NUPR1: variants seen among roughly 807,000 people sequenced by gnomAD.
NUPR1 encodes nuclear protein 1.
A neutral mutation model predicts 7.3 loss-of-function variants in NUPR1; 8 were observed. That is an observed-to-expected ratio of 1.09 (90% CI 0.64 to 1.97). NUPR1 has a LOEUF of 1.97. NUPR1 is among the 30% of genes most tolerant of loss of function. NUPR1 has a pLI of 0.00. For synonymous variants in NUPR1, 39 were observed against 44.5 expected (o/e 0.88, Z 0.49); for missense variants, 96 against 111.7 (o/e 0.86, Z 0.63).
chr16:28,535,544 C>CTTTCTTTCTT lies in NUPR1; in HGVS notation c.*2138_*2139insAAGAAAGAAA. The CTTTCTTTCTT allele has an allele frequency of 1.7e-5, 1 of 58,174 alleles. No homozygotes were observed. Among genetic ancestry groups the CTTTCTTTCTT allele is most frequent in the East Asian group, 6.0e-4 (1 of 1,660 alleles). The allele number at this position is 58,174 out of a possible 1,614,324, so 3.6% of individuals were successfully genotyped here. ...CTTTCTTTCTTTCTTTCTTTCTTTC[C>CTTTCTTTCTT]TTCTTTCTTTCTTTCTTTCCTTCCT... On this transcript the variant is annotated 3_prime_UTR_variant, in exon 3 of 3. Coordinates refer to ENST00000324873, the MANE Select transcript of NUPR1 (RefSeq NM_012385.3).
chr16:28,535,468 A>G lies in NUPR1; in HGVS notation c.*2215T>C. 1 of 151,364 alleles carries G rather than the reference A, an allele frequency of 6.6e-6. No individual in the cohort carries two copies. Among genetic ancestry groups the G allele is most frequent in the Non-Finnish European group, 1.5e-5 (1 of 68,004 alleles). The allele number at this position is 151,364 out of a possible 1,614,324, so 9.4% of individuals were successfully genotyped here. A position where few individuals can be genotyped will look rare whatever the true frequency, so the allele number is the denominator to read the frequency against. On this transcript the variant is annotated 3_prime_UTR_variant, in exon 3 of 3. Transcript: ENST00000324873. ...TGCCTTGGCCTCCCAAAGTGCTGGG[A>G]TTACAGGTGTGAGCCACTGTGCCGG...
chr16:28,537,907 G>C, intron 2 of NUPR1, 99 bp downstream of exon 2: 2 of 953,454 alleles, frequency 2.1e-6, no homozygotes, highest in South Asian at 3.2e-5. Context: ...CAAGACAACA[G>C]TTGCCTGATC....
rs1017508016 is a variant in NUPR1, at chr16:28,534,662, A to G, written c.*3021T>C. ...ACGTGGCTAAGCAGCTCAATGCTAC[A>G]TTTCCCAACCTCTCTCGTAGTTGGG... On this transcript the variant is annotated 3_prime_UTR_variant, in exon 3 of 3. Transcript: ENST00000324873. 1 of 152,150 alleles carries G rather than the reference A, an allele frequency of 6.6e-6. No individual in the cohort carries two copies. Among genetic ancestry groups the G allele is most frequent in the Admixed American group, 6.6e-5 (1 of 15,262 alleles). The allele number at this position is 152,150 out of a possible 1,614,324, so 9.4% of individuals were successfully genotyped here.
At chr16:28,538,267 C>G (rs1019790122) in intron 1 of NUPR1, 112 bp from the exon 2 acceptor site, 1 of 1,502,320 alleles carries the variant, frequency 6.7e-7, no homozygotes, top group Admixed American at 1.8e-5. Flanking sequence ...AGGGAGAAGC[C>G]TGCTGCTTCC....
In NUPR1 at chr16:28,535,583, T is replaced by TCTTTCCTTCCTTCCTTC. The variant is rs2046611792; in HGVS notation, c.*2099_*2100insGAAGGAAGGAAGGAAAG. 2.3e-5 allele frequency: 1 copy of TCTTTCCTTCCTTCCTTC among 43,194 alleles called. No homozygotes were observed. Among genetic ancestry groups the TCTTTCCTTCCTTCCTTC allele is most frequent in the African/African-American group, 1.3e-4 (1 of 7,858 alleles). 2.7% of individuals were successfully genotyped at this position (43,194 alleles called of 1,614,324 possible). On this transcript the variant is annotated 3_prime_UTR_variant, in exon 3 of 3. Coordinates refer to ENST00000324873, the MANE Select transcript of NUPR1 (RefSeq NM_012385.3). Reference sequence around the variant, plus strand: ...TCTTTCCTTCCTTCCTTTCTTTCTTTCTTTCTTTCTTTCTTTCTTTCTTTC... The same window carrying TCTTTCCTTCCTTCCTTC: ...TCTTTCCTTCCTTCCTTTCTTTCTTTCTTTCCTTCCTTCCTTCCTTTCTTTCTTTCTTTCTTTCTTTC...
rs2046598518 is a variant in NUPR1, at chr16:28,534,423, AACCAC to A, written c.*3255_*3259del. 6.6e-6 allele frequency: 1 copy of A among 152,280 alleles called. No homozygotes were observed. The highest frequency in any genetic ancestry group is 1.5e-5 in the Non-Finnish European group (1 of 68,080). The allele number at this position is 152,280 out of a possible 1,614,324, so 9.4% of individuals were successfully genotyped here. ...CTGTGGATGTCCTTGGGTCCCCATG[AACCAC>A]TGACTCCAAGTTCTGCAGTGTGGGG... On this transcript the variant is annotated 3_prime_UTR_variant, in exon 3 of 3. Coordinates refer to ENST00000324873, the MANE Select transcript of NUPR1 (RefSeq NM_012385.3).
chr16:28,533,439 C>A lies in NUPR1; in HGVS notation c.*4244G>T. The A allele has an allele frequency of 6.6e-6, 1 of 152,376 alleles. No individual in the cohort carries two copies. Among genetic ancestry groups the A allele is most frequent in the South Asian group, 2.1e-4 (1 of 4,838 alleles). The allele number at this position is 152,376 out of a possible 1,614,324, so 9.4% of individuals were successfully genotyped here. ...TCTGACGCCCAGGCTGGAGTGAGAT[C>A]ATGGCTCACTGCAGCCTCCACCTCC... On this transcript the variant is annotated 3_prime_UTR_variant, in exon 3 of 3. Transcript: ENST00000324873.
At chr16:28,537,865 C>A (rs2046634776) in intron 2 of NUPR1, 141 bp downstream of exon 2, 1 of 720,984 alleles carries the variant, frequency 1.4e-6, no homozygotes, top group African/African-American at 1.8e-5. Context: ...AGGAAACTCA[C>A]AATCAAACAT....
rs1487422180 is a variant in NUPR1, at chr16:28,535,540, T to TTTCTTTCTTTCTTTCTTTCC, written c.*2142_*2143insGGAAAGAAAGAAAGAAAGAA. On this transcript the variant is annotated 3_prime_UTR_variant, in exon 3 of 3. Coordinates refer to ENST00000324873, the MANE Select transcript of NUPR1 (RefSeq NM_012385.3). ...CTTTCTTTCTTTCTTTCTTTCTTTC[T>TTTCTTTCTTTCTTTCTTTCC]TTCCTTCTTTCTTTCTTTCTTTCCT... 53 of 65,088 alleles carry TTTCTTTCTTTCTTTCTTTCC rather than the reference T, an allele frequency of 8.1e-4. 1 individual carries two copies. The highest frequency in any genetic ancestry group is 1.3e-3 in the Admixed American group (7 of 5,302). The allele number at this position is 65,088 out of a possible 1,614,324, so 4.0% of individuals were successfully genotyped here. A position where few individuals can be genotyped will look rare whatever the true frequency, so the allele number is the denominator to read the frequency against.
chr16:28,538,251 A>C, intron 1 of NUPR1, 96 bp from the exon 2 acceptor site: 1 of 1,573,654 alleles, frequency 6.4e-7, no homozygotes, highest in South Asian at 1.1e-5. Flanking sequence ...TGGGGATGGG[A>C]AGAGCAGGGA....
chr16:28,535,551 C>CT lies in NUPR1; in HGVS notation c.*2131dup, dbSNP rs869272934. 1.5e-4 allele frequency: 5 copies of CT among 32,890 alleles called. No individual in the cohort carries two copies. Among genetic ancestry groups the CT allele is most frequent in the Admixed American group, 4.1e-4 (1 of 2,442 alleles). 2.0% of individuals were successfully genotyped at this position (32,890 alleles called of 1,614,324 possible). A position where few individuals can be genotyped will look rare whatever the true frequency, so the allele number is the denominator to read the frequency against. On this transcript the variant is annotated 3_prime_UTR_variant, in exon 3 of 3. Coordinates refer to ENST00000324873, the MANE Select transcript of NUPR1 (RefSeq NM_012385.3). Reference sequence around the variant, plus strand: ...TCTTTCTTTCTTTCTTTCCTTCTTTCTTTCTTTCTTTCCTTCCTTCCTTTC... The same window carrying CT: ...TCTTTCTTTCTTTCTTTCCTTCTTTCTTTTCTTTCTTTCCTTCCTTCCTTTC...
In NUPR1 at chr16:28,537,656, T is replaced by C. The variant is rs931436338; in HGVS notation, c.*27A>G. On this transcript the variant is annotated 3_prime_UTR_variant, in exon 3 of 3. Coordinates refer to ENST00000324873, the MANE Select transcript of NUPR1 (RefSeq NM_012385.3). ...TCTCTATTGCTGGGTGTAGTGTCCA[T>C]GGTCTGGCCTCATCTGGGGGGTGAG... 7.4e-5 allele frequency: 16 copies of C among 217,018 alleles called. No individual in the cohort carries two copies. Among genetic ancestry groups the C allele is most frequent in the Non-Finnish European group, 1.5e-4 (16 of 107,058 alleles). The allele number at this position is 217,018 out of a possible 1,614,324, so 13.4% of individuals were successfully genotyped here. A position where few individuals can be genotyped will look rare whatever the true frequency, so the allele number is the denominator to read the frequency against.
chr16:28,538,233 C>CA, intron 1 of NUPR1, 78 bp from the exon 2 acceptor site: 1 of 1,604,744 alleles, frequency 6.2e-7, no homozygotes, highest in African/African-American at 1.3e-5. Context: ...GGCAGGGGTT[C>CA]AGGGTTGTGG....
chr16:28,535,597 T>TTTC lies in NUPR1; in HGVS notation c.*2083_*2085dup, dbSNP rs1340282627. The TTTC allele has an allele frequency of 2.2e-5, 1 of 45,748 alleles. No individual in the cohort carries two copies. The highest frequency in any genetic ancestry group is 1.5e-4 in the African/African-American group (1 of 6,678). The allele number at this position is 45,748 out of a possible 1,614,324, so 2.8% of individuals were successfully genotyped here. ...CTTTCTTTCTTTCTTTCTTTCTTTC[T>TTTC]TTCTTTCTTTCTTTCTTTCTTTCTT... On this transcript the variant is annotated 3_prime_UTR_variant, in exon 3 of 3. Coordinates refer to ENST00000324873, the MANE Select transcript of NUPR1 (RefSeq NM_012385.3).
rs58048043 is a variant in NUPR1, at chr16:28,535,623, C to CTTTCTTTCTTTCTTTCTTTCTTTCT, written c.*2059_*2060insAGAAAGAAAGAAAGAAAGAAAGAAA. 1.1e-4 allele frequency: 10 copies of CTTTCTTTCTTTCTTTCTTTCTTTCT among 90,678 alleles called. No individual in the cohort carries two copies. The highest frequency in any genetic ancestry group is 5.8e-4 in the East Asian group (1 of 1,726). 5.6% of individuals were successfully genotyped at this position (90,678 alleles called of 1,614,324 possible). A position where few individuals can be genotyped will look rare whatever the true frequency, so the allele number is the denominator to read the frequency against. On this transcript the variant is annotated 3_prime_UTR_variant, in exon 3 of 3. Transcript: ENST00000324873. ...TTCTTTCTTTCTTTCTTTCTTTCTT[C>CTTTCTTTCTTTCTTTCTTTCTTTCT]TCTTTCTCTCTCTTTCTTCTTTTTC...
At position 28,535,586 on chromosome 16, in the gene NUPR1, T is replaced by TTTCTTTCTTTCTTTCTTTTC. The variant is rs1225519169; in HGVS notation, c.*2096_*2097insGAAAAGAAAGAAAGAAAGAA. 2.4e-5 allele frequency: 1 copy of TTTCTTTCTTTCTTTCTTTTC among 42,418 alleles called. No individual in the cohort carries two copies. The highest frequency in any genetic ancestry group is 2.6e-4 in the Admixed American group (1 of 3,824). 2.6% of individuals were successfully genotyped at this position (42,418 alleles called of 1,614,324 possible). ...TTCCTTCCTTCCTTTCTTTCTTTCT[T>TTTCTTTCTTTCTTTCTTTTC]TCTTTCTTTCTTTCTTTCTTTCTTT... On this transcript the variant is annotated 3_prime_UTR_variant, in exon 3 of 3. Coordinates refer to ENST00000324873, the MANE Select transcript of NUPR1 (RefSeq NM_012385.3).
In NUPR1 at chr16:28,535,579, T is replaced by TCTTTCTTTC. The variant is rs2046611333; in HGVS notation, c.*2095_*2103dup. The TCTTTCTTTC allele has an allele frequency of 5.1e-5, 2 of 39,158 alleles. No homozygotes were observed. Among genetic ancestry groups the TCTTTCTTTC allele is most frequent in the East Asian group, 1.6e-3 (1 of 624 alleles). The allele number at this position is 39,158 out of a possible 1,614,324, so 2.4% of individuals were successfully genotyped here. ...TCTTTCTTTCCTTCCTTCCTTTCTT[T>TCTTTCTTTC]CTTTCTTTCTTTCTTTCTTTCTTTC... On this transcript the variant is annotated 3_prime_UTR_variant, in exon 3 of 3. Transcript: ENST00000324873.
rs1159447120 is a variant in NUPR1, at chr16:28,533,184, G to A, written c.*4499C>T. 2 of 152,330 alleles carry A rather than the reference G, an allele frequency of 1.3e-5. No homozygotes were observed. Among genetic ancestry groups the A allele is most frequent in the East Asian group, 3.9e-4 (2 of 5,182 alleles). The allele number at this position is 152,330 out of a possible 1,614,324, so 9.4% of individuals were successfully genotyped here. ...CAGCACAGGCCTCCAGCAGCATCCT[G>A]GTAACTCAGAAGGCATCCAATAAGC... On this transcript the variant is annotated 3_prime_UTR_variant, in exon 3 of 3. Transcript: ENST00000324873.
In NUPR1 at chr16:28,534,433, T is replaced by G. The variant is rs1300215022; in HGVS notation, c.*3250A>C. On this transcript the variant is annotated 3_prime_UTR_variant, in exon 3 of 3. Transcript: ENST00000324873. Reference sequence around the variant, plus strand: ...CCTTGGGTCCCCATGAACCACTGACTCCAAGTTCTGCAGTGTGGGGCTTAT... The same window carrying G: ...CCTTGGGTCCCCATGAACCACTGACGCCAAGTTCTGCAGTGTGGGGCTTAT... 1 of 152,254 alleles carries G rather than the reference T, an allele frequency of 6.6e-6. No individual in the cohort carries two copies. The highest frequency in any genetic ancestry group is 1.5e-5 in the Non-Finnish European group (1 of 68,066). 9.4% of individuals were successfully genotyped at this position (152,254 alleles called of 1,614,324 possible).
Sources: allele counts gnomAD v4.1 joint callset, GRCh38; gene constraint gnomAD v4.1.1; transcripts MANE v1.5; gene names NCBI Gene and HGNC (gene_info 2026-07-23, HGNC 2026-07-21).